CELF2: variants seen among roughly 807,000 people sequenced by gnomAD.
The protein encoded by CELF2 is CUGBP Elav-like family member 2, also known as CUG triplet repeat RNA-binding protein 2.
A neutral mutation model predicts 62.6 loss-of-function variants in CELF2; 8 were observed. The ratio of observed to expected loss-of-function variants is 0.13; its 90% CI spans 0.07 to 0.23. The LOEUF (loss-of-function observed/expected upper bound fraction) is 0.23. Ranked by LOEUF, CELF2 falls within the 10% of genes least tolerant of loss-of-function variation. The pLI is 1.00. For missense variants in CELF2, 333 were observed against 671.0 expected, an observed-to-expected ratio of 0.50 and a Z score of 5.56; for synonymous variants, 258 against 250.0, an observed-to-expected ratio of 1.03 and a Z score of -0.30.
At chr10:11,116,413 TAGG>T (rs964920020) in intron 1 of CELF2, among the ~76,000 whole-genome samples, 1 of 152,232 alleles carries the variant, frequency 6.6e-6, no homozygotes, top group African/African-American at 2.4e-5. Context: ...CACTTACATG[TAGG>T]AGAAGTCTGT....
the CELF2 span, among the ~76,000 whole-genome samples, chr10:10,496,812 GT>G: frequency 6.6e-6 from 1 of 152,110 alleles, no homozygotes; most frequent in Non-Finnish European, 1.5e-5. Flanking sequence ...AAGTTTGGGG[GT>G]GTGGAGGTTC....
chr10:10,938,891 C>T lies in CELF2; in HGVS notation c.89+18892C>T, dbSNP rs2046708687. On this transcript the variant is annotated intron_variant, in intron 2 of 13. Coordinates refer to the CELF2 transcript ENST00000636488. The surrounding 1 kb of genome is among the most constrained non-coding windows in gnomAD (Gnocchi z 4.2). ...CCTGCCTCTTGCTAGTTGAAGTCAC[C>T]CCAGGGGTGTTTGCTCTTGTGTGCA... Among the ~76,000 whole-genome samples the T allele has an allele frequency of 6.6e-6, 1 of 152,168 alleles. No homozygotes were observed. Among genetic ancestry groups the T allele is most frequent in the South Asian group, 2.1e-4 (1 of 4,816 alleles).
chr10:11,218,517 G>A (rs868070824), intron 3 of CELF2, among the ~76,000 whole-genome samples: 4 of 152,100 alleles, frequency 2.6e-5, no homozygotes, highest in African/African-American at 4.8e-5. Flanking sequence ...TCCTAGACTC[G>A]TTCACAATAC....
the CELF2 span, among the ~76,000 whole-genome samples, chr10:10,736,491 G>A: frequency 6.7e-6 from 1 of 149,234 alleles, no homozygotes; most frequent in Admixed American, 6.7e-5. Context: ...GGATATTTAC[G>A]ATCAACATCT....
At chr10:10,815,106 ATTTATCTTAAAGAC>A (rs1337464146) in intron 1 of CELF2, among the ~76,000 whole-genome samples, 2 of 152,206 alleles carry the variant, frequency 1.3e-5, no homozygotes, top group Non-Finnish European at 2.9e-5. Flanking sequence ...TTGAGGCAGA[ATTTATCTTAAAGAC>A]TTTAATTGCA....
the CELF2 span, among the ~76,000 whole-genome samples, chr10:10,738,332 T>C: frequency 1.3e-5 from 2 of 152,228 alleles, no homozygotes; most frequent in Non-Finnish European, 2.9e-5. Flanking sequence ...ATAGTGTCTT[T>C]AAATGTAGGA....
intron 1 of CELF2, among the ~76,000 whole-genome samples, chr10:11,064,149 G>C (rs755841684): frequency 6.6e-6 from 1 of 152,168 alleles, no homozygotes; most frequent in Non-Finnish European, 1.5e-5. Context: ...GAGTCTTCTC[G>C]AAGTCTAAAT....
chr10:10,838,832 G>A (rs1048021415), intron 1 of CELF2, among the ~76,000 whole-genome samples: 6 of 152,008 alleles, frequency 3.9e-5, no homozygotes, highest in Admixed American at 1.3e-4. Context: ...TCTCTAGGGA[G>A]TCCTGGTTCT....
At chr10:10,920,886 G>C (rs1342053140) in intron 2 of CELF2, among the ~76,000 whole-genome samples, 2 of 152,126 alleles carry the variant, frequency 1.3e-5, no homozygotes, top group African/African-American at 4.8e-5. Context: ...GAGGTATTTT[G>C]CTGGGCATTG....
intron 1 of CELF2, among the ~76,000 whole-genome samples, chr10:10,897,876 T>G (rs796500454): frequency 4.1e-4 from 63 of 152,290 alleles, no homozygotes; most frequent in African/African-American, 1.4e-3. Context: ...TACAGACATG[T>G]TCTACCTTTC....
At chr10:10,611,784 A>T in the CELF2 span, among the ~76,000 whole-genome samples, 1 of 152,196 alleles carries the variant, frequency 6.6e-6, no homozygotes, top group Admixed American at 6.5e-5. Flanking sequence ...ACAGGTATAG[A>T]TATTGATGTA....
chr10:10,777,046 C>T, the CELF2 span, among the ~76,000 whole-genome samples: 210 of 152,310 alleles, frequency 1.4e-3, no homozygotes, highest in East Asian at 8.5e-3. Context: ...CATTCCCATG[C>T]GCTACCCGCC....
At position 11,280,520 on chromosome 10, in the gene CELF2, C is replaced by T. The variant is rs2088029672; in HGVS notation, c.841+5400C>T. ...TGGATCCATCTGTGGTGGGAGGAGC[C>T]AAGACATCAGCCACCAGGGACGTGC... On this transcript the variant is annotated intron_variant, in intron 8 of 12. Coordinates refer to ENST00000633077, the MANE Select transcript of CELF2 (RefSeq NM_001326342.2). The surrounding 1 kb of genome is among the most constrained non-coding windows in gnomAD (Gnocchi z 7.6). Among the ~76,000 whole-genome samples the T allele has an allele frequency of 6.6e-6, 1 of 152,170 alleles. No individual in the cohort carries two copies. Among genetic ancestry groups the T allele is most frequent in the South Asian group, 2.1e-4 (1 of 4,826 alleles).
intron 1 of CELF2, among the ~76,000 whole-genome samples, chr10:11,118,226 G>A (rs1431365737): frequency 6.6e-6 from 1 of 152,078 alleles, no homozygotes; most frequent in Non-Finnish European, 1.5e-5. Flanking sequence ...ATTTGAATGG[G>A]TGTTTATTCT....
chr10:11,319,899 T>A lies in CELF2; in HGVS notation c.1097-1290T>A. On this transcript the variant is annotated intron_variant, in intron 10 of 12. Coordinates refer to ENST00000633077, the MANE Select transcript of CELF2 (RefSeq NM_001326342.2). This position sits in a 1 kb window ranked among gnomAD's most constrained non-coding sequence, Gnocchi z 4.4. ...GTTAGGGCAGTAGCGTTGCTGGGCG[T>A]GTGGAGGTCACTCTGCTGCCGGATT... 2.1e-6 allele frequency: 1 copy of A among 470,742 alleles called. No individual in the cohort carries two copies. Among genetic ancestry groups the A allele is most frequent in the South Asian group, 1.5e-5 (1 of 64,546 alleles). The allele number at this position is 470,742 out of a possible 1,614,324, so 29.2% of individuals were successfully genotyped here. A position where few individuals can be genotyped will look rare whatever the true frequency, so the allele number is the denominator to read the frequency against.
chr10:10,775,496 C>T, the CELF2 span, among the ~76,000 whole-genome samples: 1 of 152,096 alleles, frequency 6.6e-6, no homozygotes, highest in South Asian at 2.1e-4. Context: ...TGGTCATATG[C>T]ATGCATGTAA....
chr10:10,904,979 G>C (rs1591737622), intron 1 of CELF2, among the ~76,000 whole-genome samples: 1 of 152,080 alleles, frequency 6.6e-6, no homozygotes, highest in South Asian at 2.1e-4. Flanking sequence ...CATCCTGTTT[G>C]GATGTCTCTT....
At chr10:11,219,216 A>G (rs922973625) in intron 3 of CELF2, among the ~76,000 whole-genome samples, 6 of 152,226 alleles carry the variant, frequency 3.9e-5, no homozygotes, top group East Asian at 1.9e-4. Flanking sequence ...CGATCTTCAT[A>G]GTCGAGGGTG....
At chr10:10,763,794 A>G in the CELF2 span, among the ~76,000 whole-genome samples, 1 of 152,240 alleles carries the variant, frequency 6.6e-6, no homozygotes, top group Non-Finnish European at 1.5e-5. Context: ...AAATTGGAAG[A>G]GCCTGCCTCC....
Sources: gnomAD v4.1 joint callset for allele counts (sites outside exome capture counted in the v4.1 genomes callset) on GRCh38, gnomAD v4.1.1 for gene constraint, Gnocchi (gnomAD v3.1) non-coding constraint, MANE v1.5 for transcripts, NCBI Gene and HGNC (gene_info 2026-07-23, HGNC 2026-07-21) for gene names.